GRIN2A: variants seen among roughly 807,000 people sequenced by gnomAD.
The protein encoded by GRIN2A is glutamate ionotropic receptor NMDA type subunit 2A, also known as glutamate receptor ionotropic, NMDA 2A.
GRIN2A carries 22 observed loss-of-function variants against 113.4 expected under a neutral mutation model. That is an observed-to-expected ratio of 0.19 (90% CI 0.14 to 0.28). The LOEUF (loss-of-function observed/expected upper bound fraction) is 0.28. Ranked by LOEUF, GRIN2A falls within the 10% of genes least tolerant of loss-of-function variation. GRIN2A has a pLI of 1.00. For missense variants in GRIN2A, 1,502 were observed against 1,887.0 expected (o/e 0.80, Z 3.78); for synonymous variants, 827 against 738.4 (o/e 1.12, Z -1.94).
chr16:10,148,086 T>C (rs1042306511), intron 2 of GRIN2A, among the ~76,000 whole-genome samples: 1 of 152,214 alleles, frequency 6.6e-6, no homozygotes, highest in East Asian at 1.9e-4. Flanking sequence ...GTCAGCCTCC[T>C]TGATGGTTTG....
intron 3 of GRIN2A, among the ~76,000 whole-genome samples, chr16:9,930,228 A>G (rs1312946087): frequency 6.6e-6 from 1 of 152,166 alleles, no homozygotes; most frequent in Non-Finnish European, 1.5e-5. Flanking sequence ...ACACCTGTAG[A>G]GTGCCGACTA....
intron 2 of GRIN2A, among the ~76,000 whole-genome samples, chr16:10,156,945 G>C (rs2049710840): frequency 6.6e-6 from 1 of 152,208 alleles, no homozygotes; most frequent in Non-Finnish European, 1.5e-5. Flanking sequence ...TAATTCACCT[G>C]ATGGGTGCAC....
chr16:10,132,575 G>C (rs2049089372), intron 2 of GRIN2A, among the ~76,000 whole-genome samples: 1 of 152,150 alleles, frequency 6.6e-6, no homozygotes, highest in African/African-American at 2.4e-5. Context: ...GCAAGAGCTA[G>C]TCCATAGGCA....
intron 2 of GRIN2A, chr16:10,179,746 C>T (rs1016682753): frequency 2.4e-5 from 13 of 544,562 alleles, no homozygotes; most frequent in Non-Finnish European, 4.3e-5. Flanking sequence ...GTTTTCTGAG[C>T]GCTTCCTGGC....
intron 2 of GRIN2A, among the ~76,000 whole-genome samples, chr16:10,028,806 G>C (rs2046871207): frequency 6.6e-6 from 1 of 152,170 alleles, no homozygotes; most frequent in Non-Finnish European, 1.5e-5. Flanking sequence ...TAGCATAAAA[G>C]CTTCCTTAGA....
chr16:9,924,586 T>C (rs994073140), intron 3 of GRIN2A, among the ~76,000 whole-genome samples: 1 of 152,228 alleles, frequency 6.6e-6, no homozygotes, highest in Admixed American at 6.5e-5. Context: ...TGAGGGTTTA[T>C]AGTTTTCATT....
intron 10 of GRIN2A, among the ~76,000 whole-genome samples, chr16:9,813,490 G>C (rs1173998743): frequency 6.7e-6 from 1 of 148,170 alleles, no homozygotes; most frequent in African/African-American, 2.5e-5. Flanking sequence ...ATAACATTTT[G>C]ATATATTTCT....
Position 10,146,898 on chromosome 16 carries a change from G to T in GRIN2A, c.414+33100C>A, listed in dbSNP as rs546787712. 2.0e-5 allele frequency among the ~76,000 whole-genome samples: 3 copies of T among 152,018 alleles called. 1 individual carries two copies. The South Asian group carries it at 6.2e-4, about 32-fold the overall frequency. On this transcript the variant is annotated intron_variant, in intron 2 of 12. Coordinates refer to ENST00000330684, the MANE Select transcript of GRIN2A (RefSeq NM_001134407.3). ...ATAGTCCAGAAGCCGCATGAGAAAC[G>T]TCAGCTAAATGTAGCCACCCTCTTG...
intron 2 of GRIN2A, among the ~76,000 whole-genome samples, chr16:10,042,202 A>C (rs914987775): frequency 6.6e-6 from 1 of 152,180 alleles, no homozygotes; most frequent in Non-Finnish European, 1.5e-5. Flanking sequence ...CCCCTCCTTC[A>C]AAAGGTAAAG....
At chr16:10,065,662 C>T (rs1450928637) in intron 2 of GRIN2A, among the ~76,000 whole-genome samples, 2 of 152,172 alleles carry the variant, frequency 1.3e-5, no homozygotes, top group African/African-American at 4.8e-5. Flanking sequence ...TAGCATAGTT[C>T]TTGACTTGTA....
At chr16:10,168,526 C>T (rs906844967) in intron 2 of GRIN2A, among the ~76,000 whole-genome samples, 2 of 152,160 alleles carry the variant, frequency 1.3e-5, no homozygotes, top group African/African-American at 4.8e-5. Context: ...CCCAATTTTC[C>T]ACCTCATTCC....
At chr16:9,951,631 C>A (rs1433623933) in intron 2 of GRIN2A, among the ~76,000 whole-genome samples, 1 of 152,070 alleles carries the variant, frequency 6.6e-6, no homozygotes, top group East Asian at 1.9e-4. Flanking sequence ...GAATTAGGAG[C>A]ATAAACAAGG....
intron 11 of GRIN2A, among the ~76,000 whole-genome samples, chr16:9,793,526 C>T (rs1302807324): frequency 1.3e-5 from 2 of 152,034 alleles, no homozygotes; most frequent in Non-Finnish European, 2.9e-5. Flanking sequence ...TCAAGTGTTA[C>T]CTTTTAGGGA....
At chr16:9,804,485 A>T (rs747980874) in intron 10 of GRIN2A, among the ~76,000 whole-genome samples, 1 of 152,038 alleles carries the variant, frequency 6.6e-6, no homozygotes, top group East Asian at 1.9e-4. Flanking sequence ...CCACATTCTC[A>T]GTTCCTACCC....
chr16:9,914,244 A>G (rs1040366156), intron 3 of GRIN2A, among the ~76,000 whole-genome samples: 3 of 152,240 alleles, frequency 2.0e-5, no homozygotes, highest in Non-Finnish European at 4.4e-5. Flanking sequence ...AAAAACACCT[A>G]GGAAGACAAT....
At chr16:10,010,636 T>C (rs979137808) in intron 2 of GRIN2A, among the ~76,000 whole-genome samples, 8 of 152,206 alleles carry the variant, frequency 5.3e-5, no homozygotes. Context: ...ACCGTTATTA[T>C]TGCACTGTGA....
intron 11 of GRIN2A, among the ~76,000 whole-genome samples, chr16:9,782,999 A>G (rs1902018762): frequency 6.6e-6 from 1 of 152,146 alleles, no homozygotes; most frequent in African/African-American, 2.4e-5. Context: ...TTATTTGAAA[A>G]CGTTGCATTT....
At chr16:9,912,124 G>A (rs1338804069) in intron 3 of GRIN2A, among the ~76,000 whole-genome samples, 2 of 152,094 alleles carry the variant, frequency 1.3e-5, no homozygotes, top group Non-Finnish European at 2.9e-5. Flanking sequence ...TGATGGTGGT[G>A]ATGGTAATGA....
intron 2 of GRIN2A, among the ~76,000 whole-genome samples, chr16:10,097,457 G>A (rs140923670): frequency 1.9e-3 from 289 of 152,318 alleles, no homozygotes; most frequent in African/African-American, 6.7e-3. Context: ...TCTCATCTAT[G>A]AAGCAACAGG....
Sources: gnomAD v4.1 joint callset for allele counts (sites outside exome capture counted in the v4.1 genomes callset) on GRCh38, gnomAD v4.1.1 for gene constraint, MANE v1.5 for transcripts, NCBI Gene and HGNC (gene_info 2026-07-23, HGNC 2026-07-21) for gene names.